The following VWF variants were observed in gnomAD, a reference collection of about 807,000 sequenced individuals.
VWF encodes Factor VIII related antigen.
A neutral mutation model predicts 308.6 loss-of-function variants in VWF; 176 were observed. The ratio of observed to expected loss-of-function variants is 0.57; its 90% CI spans 0.50 to 0.65. The LOEUF (loss-of-function observed/expected upper bound fraction) is 0.65. Among genes scored for constraint, VWF ranks in the 30% least tolerant of loss-of-function variants. The probability of loss-of-function intolerance (pLI) is 0.00; values close to 1 mark genes in which losing one functional copy is unlikely to be tolerated. For missense variants in VWF, 3,146 were observed against 3,648.2 expected, an observed-to-expected ratio of 0.86 and a Z score of 3.55; for synonymous variants, 1,385 against 1,443.4, an observed-to-expected ratio of 0.96 and a Z score of 0.92.
chr12:6,065,918 C>G (rs1242852955), intron 10 of VWF, among the ~76,000 whole-genome samples: 7 of 152,258 alleles, frequency 4.6e-5, no homozygotes. Flanking sequence ...TTTCTGCGTC[C>G]TCAGAGGGGC....
chr12:5,977,883 AT>A (rs1375811482), intron 42 of VWF, among the ~76,000 whole-genome samples: 2 of 147,736 alleles, frequency 1.4e-5, no homozygotes, highest in African/African-American at 2.5e-5. Flanking sequence ...CTCTATATAT[AT>A]ATATTATATA....
intron 45 of VWF, 137 bp from the exon 46 acceptor site, chr12:5,968,304 C>G (rs1449341711): frequency 9.6e-7 from 1 of 1,043,542 alleles, no homozygotes; most frequent in African/African-American, 1.6e-5. Flanking sequence ...CCCCCCACCC[C>G]ACAACCCAGC....
At chr12:6,088,578 G>C (rs776857375) in intron 6 of VWF, among the ~76,000 whole-genome samples, 1 of 151,890 alleles carries the variant, frequency 6.6e-6, no homozygotes, top group Non-Finnish European at 1.5e-5. Flanking sequence ...CCAGCCCCCC[G>C]GAGCCTTGGG....
intron 44 of VWF, 39 bp from the exon 45 acceptor site, chr12:5,969,430 G>T: frequency 6.2e-7 from 1 of 1,613,078 alleles, no homozygotes; most frequent in Non-Finnish European, 8.5e-7. Context: ...GCTGGGGCAG[G>T]GCTGGAGCCC....
At chr12:6,111,264 T>C (rs1476009822) in intron 3 of VWF, among the ~76,000 whole-genome samples, 1 of 152,226 alleles carries the variant, frequency 6.6e-6, no homozygotes, top group Non-Finnish European at 1.5e-5. Context: ...AACCTGCGTA[T>C]AAATAGAAGA....
chr12:6,090,471 T>C (rs959041089), intron 6 of VWF, among the ~76,000 whole-genome samples: 5 of 152,178 alleles, frequency 3.3e-5, no homozygotes, highest in Non-Finnish European at 7.3e-5. Flanking sequence ...AGAAAAAGAA[T>C]GCGTGTTGAA....
chr12:6,108,934 T>A (rs1228226301), intron 5 of VWF, among the ~76,000 whole-genome samples: 1 of 145,488 alleles, frequency 6.9e-6, no homozygotes, highest in Admixed American at 7.0e-5. Flanking sequence ...TGAGCCGAGA[T>A]CGCGCCACTG....
intron 2 of VWF, among the ~76,000 whole-genome samples, chr12:6,122,357 C>A (rs1261054380): frequency 6.6e-6 from 1 of 152,172 alleles, no homozygotes. Context: ...AGACTGTGTG[C>A]CTGACACATA....
chr12:5,972,455 C>T lies in VWF; in HGVS notation c.7438-746G>A, dbSNP rs148605814. Among the ~76,000 whole-genome samples, 102 of 152,290 alleles carry T rather than the reference C, an allele frequency of 6.7e-4. 1 individual carries two copies. The East Asian group carries it at 0.019, about 28-fold the overall frequency. On this transcript the variant is annotated intron_variant, in intron 43 of 51. Coordinates refer to ENST00000261405, the MANE Select transcript of VWF (RefSeq NM_000552.5). The stretch of plus-strand genomic sequence containing the variant: ...TCCCAGGAGCCAAGAGAAAAGAACC[C>T]AGGACTACGTTCCATCTTGGAGCTG...
At chr12:6,105,013 G>A (rs938803336) in intron 5 of VWF, among the ~76,000 whole-genome samples, 1 of 152,160 alleles carries the variant, frequency 6.6e-6, no homozygotes, top group Non-Finnish European at 1.5e-5. Context: ...AATATGACAT[G>A]TTCTCACCAA....
intron 5 of VWF, among the ~76,000 whole-genome samples, chr12:6,101,491 T>A (rs955553887): frequency 1.3e-5 from 2 of 151,850 alleles, no homozygotes; most frequent in African/African-American, 4.8e-5. Flanking sequence ...AATAAAAATA[T>A]CCAGGCCAGG....
Position 5,976,186 on chromosome 12 carries a change from G to A in VWF, c.7362C>T (p.Thr2454=), listed in dbSNP as rs146504585. 595 of 1,614,120 alleles carry A rather than the reference G, an allele frequency of 3.7e-4. 7 individuals carry two copies. The East Asian group carries it at 0.011, about 30-fold the overall frequency. ...WEEGCDVCTC[T]DMEDAVMGLR... is the part of the protein sequence containing the mutation. Reference sequence around the variant, plus strand: ...GGCCCATCACGGCATCCTCCATGTCGGTGCAGGTGCACACATCGCAGCCCT... The same window carrying A: ...GGCCCATCACGGCATCCTCCATGTCAGTGCAGGTGCACACATCGCAGCCCT... Residue 2454 remains threonine (T), a synonymous_variant, in exon 43 of 52, where the codon ACC becomes ACT. Coordinates refer to ENST00000261405, the MANE Select transcript of VWF (RefSeq NM_000552.5).
chr12:5,951,785 A>G, intron 50 of VWF, 59 bp downstream of exon 50: 1 of 1,588,510 alleles, frequency 6.3e-7, no homozygotes, highest in Non-Finnish European at 8.6e-7. Context: ...CAAGCTGCAA[A>G]GAGCCCCTGG....
Position 6,025,807 on chromosome 12 carries a change from C to T in VWF, c.3108+99G>A, listed in dbSNP as rs1159505674. ...CCCTGCAGCCACCTGGAGGTCATAC[C>T]ACCCACAACCCCCCTTCCAGCCCCC... On this transcript the variant is annotated intron_variant, in intron 23 of 51. Coordinates refer to ENST00000261405, the MANE Select transcript of VWF (RefSeq NM_000552.5). 6 of 1,603,574 alleles carry T rather than the reference C, an allele frequency of 3.7e-6. No individual in the cohort carries two copies. The Admixed American group carries it at 8.3e-5, about 22-fold the overall frequency.
At chr12:6,007,597 T>C (rs972902488) in intron 34 of VWF, among the ~76,000 whole-genome samples, 1 of 152,134 alleles carries the variant, frequency 6.6e-6, no homozygotes, top group African/African-American at 2.4e-5. Context: ...TTTACAGCAG[T>C]AAATGTCTAC....
intron 10 of VWF, among the ~76,000 whole-genome samples, chr12:6,070,919 A>G (rs777664378): frequency 5.3e-5 from 8 of 152,240 alleles, no homozygotes; most frequent in Admixed American, 2.0e-4. Context: ...TCAAGCCTAA[A>G]GAATTACCAG....
intron 3 of VWF, among the ~76,000 whole-genome samples, chr12:6,119,396 C>T (rs553164735): frequency 1.3e-5 from 2 of 152,352 alleles, no homozygotes; most frequent in East Asian, 3.9e-4. Context: ...GCAACTGCTG[C>T]TCCAGCCACA....
rs147533632 is a variant in VWF at position 5,996,421 on chromosome 12, G to A, written c.5843-199C>T. 1.1e-4 allele frequency among the ~76,000 whole-genome samples: 17 copies of A among 152,206 alleles called. No homozygotes were observed. In the East Asian group the frequency reaches 3.3e-3, roughly 29 times the overall value. On this transcript the variant is annotated intron_variant, in intron 34 of 51. Coordinates refer to ENST00000261405, the MANE Select transcript of VWF (RefSeq NM_000552.5). ...GGGCTCTGAGAGGTAGAGAGGTTTA[G>A]GTAAGTAACACTTGGCCATTAAATA...
At chr12:6,001,053 T>C (rs1303520201) in intron 34 of VWF, among the ~76,000 whole-genome samples, 1 of 152,020 alleles carries the variant, frequency 6.6e-6, no homozygotes, top group East Asian at 1.9e-4. Context: ...ATAACCTCAT[T>C]GATTGTTGGA....
Sources: allele counts gnomAD v4.1 joint callset (sites outside exome capture counted in the v4.1 genomes callset), GRCh38; gene constraint gnomAD v4.1.1; transcripts MANE v1.5; gene names NCBI Gene and HGNC (gene_info 2026-07-23, HGNC 2026-07-21).